The following PLXDC1 variants were observed in gnomAD, a reference collection of about 807,000 sequenced individuals.
PLXDC1 encodes plexin domain containing 1, also known as plexin domain-containing protein 1.
A neutral mutation model predicts 61.3 loss-of-function variants in PLXDC1; 39 were observed. The observed-to-expected ratio is 0.64, with a 90% CI of 0.49 to 0.83. The LOEUF is 0.83. PLXDC1 is among the 40% of genes least tolerant of loss of function. The pLI is 0.00. For missense variants in PLXDC1, 596 were observed against 666.5 expected (o/e 0.89, Z 1.17); for synonymous variants, 212 against 254.5 (o/e 0.83, Z 1.59).
rs1045653746 is a variant in PLXDC1 at position 39,063,709 on chromosome 17, G to A, written c.*4131C>T. 1.9e-6 allele frequency: 1 copy of A among 524,380 alleles called. No individual in the cohort carries two copies. The highest frequency in any genetic ancestry group is 3.4e-6 in the Non-Finnish European group (1 of 296,732). 32.5% of individuals were successfully genotyped at this position (524,380 alleles called of 1,614,324 possible). On this transcript the variant is annotated 3_prime_UTR_variant, in exon 14 of 14. Transcript: ENST00000315392. ...TACATTGTGTTTTAGAAGGCTGGGTGCCCTCAGTCCCCAGATCTTTGAATT... is the reference window on the plus strand; with the variant it reads ...TACATTGTGTTTTAGAAGGCTGGGTACCCTCAGTCCCCAGATCTTTGAATT...
intron 1 of PLXDC1, among the ~76,000 whole-genome samples, chr17:39,146,373 C>A (rs983021550): frequency 8.0e-5 from 12 of 150,730 alleles, no homozygotes; most frequent in Non-Finnish European, 1.5e-4. Flanking sequence ...GCCTGGCCAG[C>A]TTTTATTTAA....
At chr17:39,108,604 C>T (rs1910680505) in intron 4 of PLXDC1, 1 of 516,762 alleles carries the variant, frequency 1.9e-6, no homozygotes, top group Non-Finnish European at 3.5e-6. Context: ...GGAGCCCAAG[C>T]TCTCAGTGGA....
At chr17:39,078,395 C>T (rs1909425827) in intron 10 of PLXDC1, among the ~76,000 whole-genome samples, 1 of 152,172 alleles carries the variant, frequency 6.6e-6, no homozygotes, top group South Asian at 2.1e-4. Flanking sequence ...TCTCTGAGCC[C>T]CAGTTTTCCC....
At chr17:39,089,358 G>A (rs1196380510) in intron 7 of PLXDC1, among the ~76,000 whole-genome samples, 1 of 152,184 alleles carries the variant, frequency 6.6e-6, no homozygotes, top group Non-Finnish European at 1.5e-5. Flanking sequence ...TTGCTGTCTG[G>A]TAATGAAGCT....
intron 11 of PLXDC1, among the ~76,000 whole-genome samples, chr17:39,077,447 C>T (rs1011760645): frequency 6.6e-6 from 1 of 152,172 alleles, no homozygotes; most frequent in African/African-American, 2.4e-5. Context: ...CCATCCATCA[C>T]TCCAGGGCCT....
rs1006597761 is a variant in PLXDC1 at position 39,143,934 on chromosome 17, G to A, written c.77-4102C>T. Among the ~76,000 whole-genome samples the A allele has an allele frequency of 1.5e-4, 23 of 152,330 alleles. 1 individual carries two copies. The South Asian group carries it at 4.6e-3, about 30-fold the overall frequency. On this transcript the variant is annotated intron_variant, in intron 1 of 13. Transcript: ENST00000315392. ...TGCTTCTGGAGACAGAGCTGTTTGT[G>A]CTGGGCTGGTCTGCCCAGCTCCCCA...
chr17:39,097,168 T>A (rs1910240658), intron 7 of PLXDC1, among the ~76,000 whole-genome samples: 1 of 152,130 alleles, frequency 6.6e-6, no homozygotes, highest in African/African-American at 2.4e-5. Flanking sequence ...GTTCAGTGGC[T>A]GGGGATTCCT....
chr17:39,148,046 T>C (rs1330401845), intron 1 of PLXDC1, among the ~76,000 whole-genome samples: 5 of 152,104 alleles, frequency 3.3e-5, no homozygotes, highest in African/African-American at 1.2e-4. Flanking sequence ...AGCCAGTTAG[T>C]TATCTGTCGA....
chr17:39,145,673 G>A (rs1258435888), intron 1 of PLXDC1, among the ~76,000 whole-genome samples: 2 of 152,118 alleles, frequency 1.3e-5, no homozygotes, highest in African/African-American at 4.8e-5. Context: ...ATCTTTAAAT[G>A]CCCTGAGTAC....
intron 2 of PLXDC1, among the ~76,000 whole-genome samples, chr17:39,135,879 C>T (rs1180797765): frequency 2.6e-5 from 4 of 152,058 alleles, no homozygotes; most frequent in East Asian, 1.9e-4. Flanking sequence ...TAAGCTCTGG[C>T]GTTATTGAAT....
At chr17:39,141,811 C>A (rs1388748953) in intron 1 of PLXDC1, among the ~76,000 whole-genome samples, 1 of 152,140 alleles carries the variant, frequency 6.6e-6, no homozygotes, top group East Asian at 1.9e-4. Context: ...ACATTCTTGC[C>A]AATACTTGTT....
intron 3 of PLXDC1, 21 bp downstream of exon 3, chr17:39,109,227 G>T: frequency 6.3e-7 from 1 of 1,596,994 alleles, no homozygotes; most frequent in Non-Finnish European, 8.6e-7. Context: ...GGGAAGCATG[G>T]CTGGCGACTG....
At chr17:39,140,904 A>G (rs533684597) in intron 1 of PLXDC1, among the ~76,000 whole-genome samples, 1 of 152,228 alleles carries the variant, frequency 6.6e-6, no homozygotes, top group Non-Finnish European at 1.5e-5. Context: ...CAAGTGTACA[A>G]TTCAGTAACA....
At chr17:39,144,102 C>T (rs477971) in intron 1 of PLXDC1, among the ~76,000 whole-genome samples, 10,951 of 151,922 alleles carry the variant, frequency 0.072, 526 homozygotes, top group East Asian at 0.13. Flanking sequence ...AGACAGGAGG[C>T]GGGATGGTGG....
At chr17:39,124,264 G>A (rs72823319) in intron 2 of PLXDC1, among the ~76,000 whole-genome samples, 31,269 of 152,150 alleles carry the variant, frequency 0.21, 3,910 homozygotes, top group South Asian at 0.3. Flanking sequence ...GCATCAACAC[G>A]TCACTCATTT....
chr17:39,071,403 G>C (rs940179431), intron 12 of PLXDC1, among the ~76,000 whole-genome samples: 25 of 152,200 alleles, frequency 1.6e-4, no homozygotes, highest in African/African-American at 4.8e-4. Flanking sequence ...GGGGTGGCAA[G>C]TTTTAATGGG....
rs1311723921 is a variant in PLXDC1, at chr17:39,128,130, T to C, written c.255+11524A>G. Among the ~76,000 whole-genome samples the C allele has an allele frequency of 5.3e-5, 5 of 94,952 alleles. 1 individual carries two copies. Among genetic ancestry groups the C allele is most frequent in the African/African-American group, 2.2e-4 (5 of 23,220 alleles). 62.3% of individuals were successfully genotyped at this position (94,952 alleles called of 152,430 possible). On this transcript the variant is annotated intron_variant, in intron 2 of 13. Transcript: ENST00000315392. ...ATATATATATGTATATATATATGTG[T>C]ATATATATGTATATATATGTGTGTA...
At chr17:39,078,071 T>G in intron 10 of PLXDC1, 23 bp from the exon 11 acceptor site, 1 of 1,569,352 alleles carries the variant, frequency 6.4e-7, no homozygotes, top group Non-Finnish European at 8.6e-7. Flanking sequence ...GCCAGTGCTG[T>G]GTCTTGAATG....
intron 1 of PLXDC1, among the ~76,000 whole-genome samples, chr17:39,147,439 T>C (rs2045349520): frequency 6.6e-6 from 1 of 152,182 alleles, no homozygotes; most frequent in African/African-American, 2.4e-5. Flanking sequence ...GTCAACTTGC[T>C]GCACCTTGGG....
Sources: gnomAD v4.1 joint callset for allele counts (sites outside exome capture counted in the v4.1 genomes callset) on GRCh38, gnomAD v4.1.1 for gene constraint, MANE v1.5 for transcripts, NCBI Gene and HGNC (gene_info 2026-07-23, HGNC 2026-07-21) for gene names.